Variants in TENM3 observed in about 807,000 individuals in gnomAD.
TENM3 encodes the protein teneurin transmembrane protein 3.
Under a neutral mutation model 255.1 loss-of-function variants are expected in TENM3, and 63 were observed. That is an observed-to-expected ratio of 0.25 (90% CI 0.20 to 0.30). The LOEUF (loss-of-function observed/expected upper bound fraction) is 0.30, where lower values mean the gene tolerates loss of function less well. Among genes scored for constraint, TENM3 ranks in the 10% least tolerant of loss-of-function variants. The pLI is 1.00. For synonymous variants in TENM3, 1,306 were observed against 1,322.3 expected (o/e 0.99, Z 0.27); for missense variants, 2,929 against 3,461.1 (o/e 0.85, Z 3.86).
chr4:181,655,221 A>C, the TENM3 span, among the ~76,000 whole-genome samples: 395 of 152,294 alleles, frequency 2.6e-3, 2 homozygotes, highest in African/African-American at 9.2e-3. Flanking sequence ...TAAAAATAAC[A>C]TGGTGTCCAA....
At chr4:182,497,429 AAAC>A (rs1284828250) in intron 3 of TENM3, among the ~76,000 whole-genome samples, 2 of 152,210 alleles carry the variant, frequency 1.3e-5, no homozygotes, top group East Asian at 1.9e-4. Flanking sequence ...CTAAATAACA[AAAC>A]AACAATTCTA....
the TENM3 span, among the ~76,000 whole-genome samples, chr4:182,030,000 C>CT: frequency 0.049 from 4,102 of 83,396 alleles, 589 homozygotes; most frequent in African/African-American, 0.17. Context: ...CATCTCTCTC[C>CT]TTTTTTTCTT....
At chr4:182,021,279 A>G in the TENM3 span, among the ~76,000 whole-genome samples, 6 of 152,150 alleles carry the variant, frequency 3.9e-5, no homozygotes, top group Non-Finnish European at 8.8e-5. Context: ...CCATGTACAT[A>G]TACACTGTAT....
chr4:182,311,555 C>G lies in TENM3; in HGVS notation c.-75-12391C>G, dbSNP rs544619927. On this transcript the variant is annotated intron_variant, in intron 1 of 27. Transcript: ENST00000511685. ...AATTCAGCTCAGGTGATTTCTGACT[C>G]TATGACCTTGGATGGGCCAGTGAAT... is the stretch of plus-strand genomic sequence containing the variant. Among the ~76,000 whole-genome samples, 13 of 152,298 alleles carry G rather than the reference C, an allele frequency of 8.5e-5. No individual in the cohort carries two copies. The East Asian group carries it at 9.6e-4, about 11-fold the overall frequency.
In TENM3 at chr4:182,773,632, T is replaced by TCGATCG. The variant is rs1764448540; in HGVS notation, c.5053_5054insCGATCG (p.Tyr1685delinsSerIleAsp). ...AAATCTGTCCTCGATCGATTCTTTC[T>TCGATCG]ACACCATGGTTCAAGGTAAACACGA... On this transcript the variant is annotated protein_altering_variant, in exon 23 of 28. Transcript: ENST00000511685. The TCGATCG allele has an allele frequency of 6.2e-7, 1 of 1,612,310 alleles. No individual in the cohort carries two copies. Among genetic ancestry groups the TCGATCG allele is most frequent in the Non-Finnish European group, 8.5e-7 (1 of 1,179,266 alleles).
the TENM3 span, among the ~76,000 whole-genome samples, chr4:181,920,070 T>C: frequency 6.6e-6 from 1 of 151,966 alleles, no homozygotes; most frequent in South Asian, 2.1e-4. Flanking sequence ...AACTCATCCT[T>C]TTTTATGGCT....
the TENM3 span, among the ~76,000 whole-genome samples, chr4:181,863,413 T>C: frequency 6.6e-6 from 1 of 152,256 alleles, no homozygotes; most frequent in East Asian, 1.9e-4. Flanking sequence ...AAACGCTCCA[T>C]TGGTTTGAGG....
At chr4:182,101,096 G>GAGGAAGGAAAGA in the TENM3 span, among the ~76,000 whole-genome samples, 2 of 26,854 alleles carry the variant, frequency 7.4e-5, no homozygotes, top group South Asian at 3.0e-3. Flanking sequence ...GGGAGGGAGG[G>GAGGAAGGAAAGA]AGGGAGGGAG....
Position 182,284,725 on chromosome 4 carries a change from T to A in TENM3, c.-75-39221T>A, listed in dbSNP as rs554032311. Among the ~76,000 whole-genome samples, 9 of 152,332 alleles carry A rather than the reference T, an allele frequency of 5.9e-5. No individual in the cohort carries two copies. In the South Asian group the frequency reaches 1.9e-3, roughly 32 times the overall value. ...AAGGGAAAAAAAAGTGACCTTGTAC[T>A]CTCAACATTGTCTTTACACTGAGTA... On this transcript the variant is annotated intron_variant, in intron 1 of 27. Transcript: ENST00000511685.
chr4:181,718,868 A>T, the TENM3 span, among the ~76,000 whole-genome samples: 1 of 152,186 alleles, frequency 6.6e-6, no homozygotes, highest in African/African-American at 2.4e-5. Flanking sequence ...AGTAAAACAG[A>T]CACCACTTAT....
chr4:182,521,577 G>C (rs79627251), intron 3 of TENM3, among the ~76,000 whole-genome samples: 1 of 129,770 alleles, frequency 7.7e-6, no homozygotes, highest in Non-Finnish European at 1.7e-5. Context: ...GGTAGCAAAT[G>C]GGGGGGTCGC....
chr4:182,120,321 G>T, the TENM3 span, among the ~76,000 whole-genome samples: 1 of 152,128 alleles, frequency 6.6e-6, no homozygotes, highest in Admixed American at 6.5e-5. Context: ...TGTATAGTAG[G>T]CTGTACTATC....
intron 3 of TENM3, among the ~76,000 whole-genome samples, chr4:182,541,228 T>G (rs1012576211): frequency 6.6e-6 from 1 of 152,202 alleles, no homozygotes; most frequent in African/African-American, 2.4e-5. Context: ...ACATCTAACA[T>G]GACTTAACAG....
chr4:181,724,164 A>G, the TENM3 span, among the ~76,000 whole-genome samples: 1 of 152,226 alleles, frequency 6.6e-6, no homozygotes, highest in African/African-American at 2.4e-5. Flanking sequence ...AGAACCCACA[A>G]AAGAACTTTT....
chr4:182,388,475 G>A (rs1207536520), intron 3 of TENM3, among the ~76,000 whole-genome samples: 1 of 152,118 alleles, frequency 6.6e-6, no homozygotes, highest in Non-Finnish European at 1.5e-5. Flanking sequence ...CTTGTGAATT[G>A]TGCTTGAGTA....
the TENM3 span, among the ~76,000 whole-genome samples, chr4:181,931,824 G>T: frequency 0.011 from 1,627 of 152,180 alleles, 26 homozygotes; most frequent in Non-Finnish European, 0.014. Flanking sequence ...CAGATATATA[G>T]ATCAATGGAA....
intron 1 of TENM3, among the ~76,000 whole-genome samples, chr4:182,249,861 C>T (rs116012051): frequency 2.6e-5 from 4 of 151,728 alleles, no homozygotes; most frequent in Non-Finnish European, 4.4e-5. Context: ...CACGCCTGAG[C>T]TCAAGGGATC....
chr4:181,849,949 T>TCTCACACACACACACACA, the TENM3 span, among the ~76,000 whole-genome samples: 29 of 65,958 alleles, frequency 4.4e-4, 1 homozygote, highest in East Asian at 8.8e-3. Context: ...TCTCTCTCTC[T>TCTCACACACACACACACA]CACACACACA....
chr4:182,650,742 A>G (rs988831784), intron 5 of TENM3, among the ~76,000 whole-genome samples: 1 of 136,696 alleles, frequency 7.3e-6, no homozygotes, highest in African/African-American at 2.5e-5. Context: ...ATTTCAAAGT[A>G]GATAATATCC....
Sources: gnomAD v4.1 joint callset for allele counts (sites outside exome capture counted in the v4.1 genomes callset) on GRCh38, gnomAD v4.1.1 for gene constraint, MANE v1.5 for transcripts, NCBI Gene and HGNC (gene_info 2026-07-23, HGNC 2026-07-21) for gene names.